Variants in PROM1 observed in about 807,000 individuals in gnomAD.
PROM1 encodes prominin-1.
Under a neutral mutation model 116.9 loss-of-function variants are expected in PROM1, and 105 were observed. The observed-to-expected ratio is 0.90, with a 90% CI of 0.77 to 1.06. PROM1 has a LOEUF of 1.06. PROM1 is among the 50% of genes least tolerant of loss of function. The pLI, the probability that PROM1 is intolerant of heterozygous loss-of-function variation, is 0.00. For synonymous variants in PROM1, 393 were observed against 387.0 expected (o/e 1.02, Z -0.18); for missense variants, 1,122 against 1,045.2 (o/e 1.07, Z -1.01).
intron 2 of PROM1, among the ~76,000 whole-genome samples, chr4:16,041,358 AT>A (rs1356714595): frequency 6.6e-6 from 1 of 152,236 alleles, no homozygotes; most frequent in East Asian, 1.9e-4. Context: ...GTAAAAAAAA[AT>A]GGTAACTACA....
intron 5 of PROM1, among the ~76,000 whole-genome samples, chr4:16,027,873 T>C (rs1408278099): frequency 1.3e-5 from 2 of 152,198 alleles, no homozygotes; most frequent in Non-Finnish European, 2.9e-5. Flanking sequence ...ATTGAATAAA[T>C]GTCCTTACTC....
intron 23 of PROM1, among the ~76,000 whole-genome samples, chr4:15,981,804 C>T (rs1205461969): frequency 6.6e-6 from 1 of 152,130 alleles, no homozygotes; most frequent in Non-Finnish European, 1.5e-5. Flanking sequence ...GTTAAAGTAT[C>T]CTTTTTTAAA....
chr4:16,018,181 G>A, intron 9 of PROM1, 142 bp downstream of exon 9: 1 of 715,488 alleles, frequency 1.4e-6, no homozygotes, highest in Non-Finnish European at 2.3e-6. Context: ...GTGATCAAAT[G>A]ACTCAAGAAG....
Position 15,969,312 on chromosome 4 carries a change from T to C in PROM1, c.*81A>G, listed in dbSNP as rs1448318697. On this transcript the variant is annotated 3_prime_UTR_variant, in exon 28 of 28. Coordinates refer to ENST00000447510, the MANE Select transcript of PROM1 (RefSeq NM_006017.3). ...GTTGCTCCTGGATTTGGAAAGTCCT[T>C]GTAGACCCAGAAACTACCAAAAATC... 1.3e-5 allele frequency: 2 copies of C among 152,210 alleles called. No individual in the cohort carries two copies. Among genetic ancestry groups the C allele is most frequent in the Admixed American group, 1.3e-4 (2 of 15,270 alleles). The allele number at this position is 152,210 out of a possible 1,614,324, so 9.4% of individuals were successfully genotyped here.
At chr4:15,987,951 A>T (rs1345276357) in intron 19 of PROM1, among the ~76,000 whole-genome samples, 2 of 144,702 alleles carry the variant, frequency 1.4e-5, no homozygotes, top group Non-Finnish European at 3.0e-5. Context: ...ATCTCAGCTC[A>T]CTGCAAGCTC....
chr4:15,979,953 G>A, intron 24 of PROM1, 49 bp from the exon 25 acceptor site: 1 of 1,160,508 alleles, frequency 8.6e-7, no homozygotes, highest in Non-Finnish European at 1.2e-6. Context: ...TAATTATTAT[G>A]AAAGCTCAGC....
chr4:16,015,159 A>G (rs1727990651), intron 10 of PROM1, among the ~76,000 whole-genome samples: 1 of 151,964 alleles, frequency 6.6e-6, no homozygotes, highest in African/African-American at 2.4e-5. Context: ...CAGCCTGGCC[A>G]ACATGGCAAA....
rs554626934 is a variant in PROM1, at chr4:16,022,130, G to T, written c.784+1196C>A. Among the ~76,000 whole-genome samples the T allele has an allele frequency of 6.8e-4, 102 of 150,882 alleles. 4 individuals are homozygous for T. The South Asian group carries it at 0.021, about 30-fold the overall frequency. ...AGGAGGGAAGGAGGGAAGAAGGGAA[G>T]GAGGGAAAGAAAGAAAGGGAGGGAG... is the stretch of plus-strand genomic sequence containing the variant. On this transcript the variant is annotated intron_variant, in intron 8 of 27. Coordinates refer to ENST00000447510, the MANE Select transcript of PROM1 (RefSeq NM_006017.3).
At chr4:15,986,641 C>T (rs1719490603) in intron 20 of PROM1, among the ~76,000 whole-genome samples, 1 of 152,206 alleles carries the variant, frequency 6.6e-6, no homozygotes, top group Non-Finnish European at 1.5e-5. Context: ...CACCCTCGCC[C>T]TGTTCACAGA....
At chr4:15,994,262 A>G (rs1721772602) in intron 15 of PROM1, among the ~76,000 whole-genome samples, 191 bp from the exon 16 acceptor site, 1 of 152,190 alleles carries the variant, frequency 6.6e-6, no homozygotes, top group Admixed American at 6.5e-5. Flanking sequence ...GCCTTGCTTT[A>G]CTAACAGTCC....
At chr4:15,982,249 C>T (rs1263717956) in intron 23 of PROM1, among the ~76,000 whole-genome samples, 1 of 152,184 alleles carries the variant, frequency 6.6e-6, no homozygotes, top group African/African-American at 2.4e-5. Flanking sequence ...GGAAATAACA[C>T]CTGCTTCACC....
chr4:15,996,026 G>A (rs538662615), intron 15 of PROM1, among the ~76,000 whole-genome samples: 1 of 152,278 alleles, frequency 6.6e-6, no homozygotes, highest in East Asian at 1.9e-4. Flanking sequence ...TACAACAGGT[G>A]CTCATAAAAT....
rs1260688165 is a variant in PROM1 at position 16,076,195 on chromosome 4, C to A, written c.-212-77G>T. 5 of 374,842 alleles carry A rather than the reference C, an allele frequency of 1.3e-5. No individual in the cohort carries two copies. The East Asian group carries it at 1.9e-4, about 14-fold the overall frequency. The allele number at this position is 374,842 out of a possible 1,614,324, so 23.2% of individuals were successfully genotyped here. On this transcript the variant is annotated intron_variant, in intron 1 of 27. Transcript: ENST00000447510. ...CACCTGGAGCTGCCCGGAGAGGACGCTGCAAAGCTTTAGAGCAAGGCCTCC... is the reference window on the plus strand; with the variant it reads ...CACCTGGAGCTGCCCGGAGAGGACGATGCAAAGCTTTAGAGCAAGGCCTCC...
intron 15 of PROM1, 140 bp downstream of exon 15, chr4:15,998,245 T>C: frequency 7.8e-7 from 1 of 1,279,018 alleles, no homozygotes; most frequent in South Asian, 1.7e-5. Flanking sequence ...TTCTACTGTG[T>C]CTTTAAAATA....
chr4:16,022,167 GGAAA>G (rs749189307), intron 8 of PROM1, among the ~76,000 whole-genome samples: 42 of 151,464 alleles, frequency 2.8e-4, no homozygotes, highest in Non-Finnish European at 3.4e-4. Flanking sequence ...GAGGGAGGAA[GGAAA>G]GAAAGAAGGA....
chr4:15,973,885 C>T (rs1386184786), intron 26 of PROM1, among the ~76,000 whole-genome samples: 20 of 152,084 alleles, frequency 1.3e-4, no homozygotes, highest in African/African-American at 4.1e-4. Flanking sequence ...GACAACAAGG[C>T]GGTGACGACA....
chr4:16,081,084 T>C (rs2149614500), intron 1 of PROM1, among the ~76,000 whole-genome samples: 1 of 151,528 alleles, frequency 6.6e-6, no homozygotes, highest in South Asian at 2.1e-4. Flanking sequence ...TTTATTATAC[T>C]TTAAGTTCTA....
chr4:15,976,437 G>A (rs752600627), intron 26 of PROM1, among the ~76,000 whole-genome samples: 2 of 152,322 alleles, frequency 1.3e-5, no homozygotes, highest in South Asian at 4.1e-4. Context: ...GACGCTACAC[G>A]CAGGACATCT....
At chr4:16,044,491 C>T (rs1736054807) in intron 2 of PROM1, among the ~76,000 whole-genome samples, 1 of 152,162 alleles carries the variant, frequency 6.6e-6, no homozygotes, top group African/African-American at 2.4e-5. Context: ...TGCGGAGAGA[C>T]CACAGGGTCC....
Sources: gnomAD v4.1 joint callset for allele counts (sites outside exome capture counted in the v4.1 genomes callset) on GRCh38, gnomAD v4.1.1 for gene constraint, MANE v1.5 for transcripts, NCBI Gene and HGNC (gene_info 2026-07-23, HGNC 2026-07-21) for gene names.